Variants in RAD51B observed in about 807,000 individuals in gnomAD.
The protein encoded by RAD51B is RAD51 paralog B, also known as DNA repair protein RAD51 homolog 2.
A neutral mutation model predicts 42.2 loss-of-function variants in RAD51B; 38 were observed. The observed-to-expected ratio is 0.90, with a 90% CI of 0.70 to 1.18. RAD51B has a LOEUF of 1.18. Among genes scored for constraint, RAD51B ranks in the 50% most tolerant of loss-of-function variants. The pLI is 0.00. For missense variants in RAD51B, 373 were observed against 400.7 expected, an observed-to-expected ratio of 0.93 and a Z score of 0.59; for synonymous variants, 154 against 145.2, an observed-to-expected ratio of 1.06 and a Z score of -0.43.
intron 8 of RAD51B, among the ~76,000 whole-genome samples, chr14:68,364,582 C>T (rs748678611): frequency 1.3e-5 from 2 of 152,128 alleles, no homozygotes; most frequent in African/African-American, 4.8e-5. Context: ...TACTGCAGTG[C>T]CTCTGAGGTC....
intron 7 of RAD51B, among the ~76,000 whole-genome samples, chr14:68,121,545 A>G (rs2077652380): frequency 6.6e-6 from 1 of 152,186 alleles, no homozygotes; most frequent in Admixed American, 6.6e-5. Flanking sequence ...CTTGCTTTAT[A>G]GGGAATTCCA....
chr14:68,467,679 G>A (rs965256771), intron 9 of RAD51B, among the ~76,000 whole-genome samples: 2 of 152,260 alleles, frequency 1.3e-5, no homozygotes, highest in African/African-American at 4.8e-5. Context: ...AATAGAAAAT[G>A]TAGTCACGTA....
At chr14:67,855,427 C>A (rs1425096097) in intron 4 of RAD51B, among the ~76,000 whole-genome samples, 1 of 147,224 alleles carries the variant, frequency 6.8e-6, no homozygotes, top group African/African-American at 2.5e-5. Flanking sequence ...TTAGTAGAGA[C>A]GGGGTTTCAC....
At chr14:68,346,833 T>C (rs1002548247) in intron 8 of RAD51B, among the ~76,000 whole-genome samples, 1 of 152,162 alleles carries the variant, frequency 6.6e-6, no homozygotes, top group African/African-American at 2.4e-5. Flanking sequence ...AGTAAACACA[T>C]ACACTAGAAC....
At chr14:67,920,583 A>C (rs1456343128) in intron 7 of RAD51B, among the ~76,000 whole-genome samples, 1 of 152,230 alleles carries the variant, frequency 6.6e-6, no homozygotes, top group South Asian at 2.1e-4. Flanking sequence ...ATCTAAATGC[A>C]TATTATTATT....
intron 4 of RAD51B, among the ~76,000 whole-genome samples, chr14:67,859,216 T>C (rs1267173541): frequency 6.6e-6 from 1 of 152,228 alleles, no homozygotes; most frequent in African/African-American, 2.4e-5. Context: ...GGATGAATTA[T>C]AAGTCTGCAT....
At chr14:68,109,895 GTACT>G (rs141639401) in intron 7 of RAD51B, among the ~76,000 whole-genome samples, 2,075 of 152,004 alleles carry the variant, frequency 0.014, 51 homozygotes, top group African/African-American at 0.047. Flanking sequence ...AATCTTTGGC[GTACT>G]TACTTCAACC....
intron 10 of RAD51B, among the ~76,000 whole-genome samples, chr14:68,590,893 C>A (rs1473272148): frequency 6.6e-6 from 1 of 152,178 alleles, no homozygotes; most frequent in African/African-American, 2.4e-5. Context: ...TTAACACCCT[C>A]ACCATGGAGG....
At chr14:68,079,134 A>T (rs1361429293) in intron 7 of RAD51B, among the ~76,000 whole-genome samples, 1 of 152,100 alleles carries the variant, frequency 6.6e-6, no homozygotes, top group Non-Finnish European at 1.5e-5. Flanking sequence ...TTTGCCATGG[A>T]TATTTCTTGG....
At chr14:68,159,451 C>T in intron 7 of RAD51B, among the ~76,000 whole-genome samples, 1 of 151,888 alleles carries the variant, frequency 6.6e-6, no homozygotes, top group African/African-American at 2.4e-5. Flanking sequence ...GAAACCCTGT[C>T]TCTACTAAAA....
intron 8 of RAD51B, among the ~76,000 whole-genome samples, chr14:68,358,045 G>A (rs1404997901): frequency 1.3e-5 from 2 of 152,190 alleles, no homozygotes; most frequent in African/African-American, 4.8e-5. Flanking sequence ...GGAAAAGATG[G>A]GGAAGGGCTG....
At chr14:68,467,997 T>G (rs1442578958) in intron 9 of RAD51B, among the ~76,000 whole-genome samples, 175 bp from the exon 10 acceptor site, 1 of 152,180 alleles carries the variant, frequency 6.6e-6, no homozygotes, top group Non-Finnish European at 1.5e-5. Flanking sequence ...GGTGACCACT[T>G]TGAAAGGATA....
intron 7 of RAD51B, among the ~76,000 whole-genome samples, chr14:68,175,896 T>A (rs1411325709): frequency 6.6e-6 from 1 of 152,218 alleles, no homozygotes; most frequent in Admixed American, 6.5e-5. Flanking sequence ...TAATGATTTC[T>A]CTACTATATA....
intron 11 of RAD51B, among the ~76,000 whole-genome samples, chr14:68,674,415 T>C (rs575740998): frequency 1.2e-3 from 185 of 152,260 alleles, no homozygotes; most frequent in Non-Finnish European, 2.1e-3. Context: ...TAATGTATCA[T>C]ACATATTATA....
At chr14:67,832,355 T>G (rs2041083556) in intron 3 of RAD51B, among the ~76,000 whole-genome samples, 2 of 152,238 alleles carry the variant, frequency 1.3e-5, no homozygotes, top group African/African-American at 2.4e-5. Flanking sequence ...GTATATAGTA[T>G]ACATGCCAAT....
chr14:68,183,575 T>C (rs1355569968), intron 7 of RAD51B, among the ~76,000 whole-genome samples: 1 of 152,210 alleles, frequency 6.6e-6, no homozygotes, highest in African/African-American at 2.4e-5. Context: ...CTCAGTATTA[T>C]AACCGTCACA....
intron 8 of RAD51B, among the ~76,000 whole-genome samples, chr14:68,410,944 G>T (rs1044769634): frequency 1.3e-5 from 2 of 151,120 alleles, no homozygotes; most frequent in Non-Finnish European, 2.9e-5. Flanking sequence ...GTGTATACGG[G>T]GGGGTGGGAG....
chr14:68,208,425 C>G (rs974154568), intron 7 of RAD51B, among the ~76,000 whole-genome samples: 6 of 152,218 alleles, frequency 3.9e-5, no homozygotes, highest in Non-Finnish European at 8.8e-5. Context: ...TCTTTGCCCA[C>G]TTTGAAAGCC....
At chr14:68,664,822 A>G (rs963310115) in intron 11 of RAD51B, among the ~76,000 whole-genome samples, 3 of 152,188 alleles carry the variant, frequency 2.0e-5, no homozygotes, top group Admixed American at 2.0e-4. Context: ...CTCCTGGGTC[A>G]GAAGCTTGGC....
Sources: gnomAD v4.1 joint callset for allele counts (sites outside exome capture counted in the v4.1 genomes callset) on GRCh38, gnomAD v4.1.1 for gene constraint, MANE v1.5 for transcripts, NCBI Gene and HGNC (gene_info 2026-07-23, HGNC 2026-07-21) for gene names.